SLC60A1: variants seen among roughly 807,000 people sequenced by gnomAD.
The protein encoded by SLC60A1 is major facilitator superfamily domain containing 4.
chr1:205,573,043 G>A, the SLC60A1 span, among the ~76,000 whole-genome samples: 1 of 152,126 alleles, frequency 6.6e-6, no homozygotes, highest in Non-Finnish European at 1.5e-5. Flanking sequence ...TGGGACGCTC[G>A]CTTGAGCCCA....
the SLC60A1 span, among the ~76,000 whole-genome samples, chr1:205,578,443 C>T: frequency 2.0e-5 from 3 of 152,220 alleles, no homozygotes; most frequent in Admixed American, 6.5e-5. Flanking sequence ...TCCCCCTCTC[C>T]TCCCCCATGA....
the SLC60A1 span, among the ~76,000 whole-genome samples, chr1:205,587,339 C>T: frequency 6.6e-6 from 1 of 152,104 alleles, no homozygotes; most frequent in Middle Eastern, 3.2e-3. Context: ...GAATTTCTAG[C>T]AGAGAGCGGG....
the SLC60A1 span, chr1:205,599,204 A>G: frequency 1.9e-6 from 3 of 1,613,976 alleles, no homozygotes; most frequent in South Asian, 2.2e-5. Flanking sequence ...TTTACCTTCT[A>G]TATCTTGCTC....
At chr1:205,569,250 C>G in the SLC60A1 span, 1 of 1,570,896 alleles carries the variant, frequency 6.4e-7, no homozygotes, top group Non-Finnish European at 8.6e-7. Context: ...CTTCTCGCAG[C>G]AGCTCTGCCT....
chr1:205,600,534 T>TG, the SLC60A1 span: 1 of 1,499,130 alleles, frequency 6.7e-7, no homozygotes, highest in Non-Finnish European at 9.3e-7. Flanking sequence ...TTCAGAAAGC[T>TG]GGGTGGTGGT....
chr1:205,602,454 T>A, the SLC60A1 span: 2 of 152,588 alleles, frequency 1.3e-5, no homozygotes, highest in Non-Finnish European at 2.9e-5. Context: ...CTACCCTACC[T>A]CAAAGGAATT....
At chr1:205,579,100 T>C in the SLC60A1 span, among the ~76,000 whole-genome samples, 1 of 152,206 alleles carries the variant, frequency 6.6e-6, no homozygotes, top group Non-Finnish European at 1.5e-5. Flanking sequence ...TCAGTGTGTA[T>C]GGCCACAGCC....
the SLC60A1 span, among the ~76,000 whole-genome samples, chr1:205,571,643 T>C: frequency 6.6e-6 from 1 of 151,964 alleles, no homozygotes; most frequent in Non-Finnish European, 1.5e-5. Flanking sequence ...TGGCCTTGAG[T>C]GTAGGCGACA....
At chr1:205,573,568 C>A in the SLC60A1 span, among the ~76,000 whole-genome samples, 1 of 85,056 alleles carries the variant, frequency 1.2e-5, no homozygotes, top group Non-Finnish European at 2.8e-5. Context: ...GATCACATAT[C>A]ATTTAATTTA....
the SLC60A1 span, among the ~76,000 whole-genome samples, chr1:205,590,133 T>A: frequency 6.6e-6 from 1 of 152,124 alleles, no homozygotes; most frequent in South Asian, 2.1e-4. Flanking sequence ...CAGCTTTAGG[T>A]GCAAGTCCGG....
the SLC60A1 span, among the ~76,000 whole-genome samples, chr1:205,594,672 T>C: frequency 6.6e-6 from 1 of 151,848 alleles, no homozygotes; most frequent in Non-Finnish European, 1.5e-5. Context: ...AAAGTGATAT[T>C]GATTGATTCT....
the SLC60A1 span, among the ~76,000 whole-genome samples, chr1:205,573,731 CT>C: frequency 6.6e-6 from 1 of 152,006 alleles, no homozygotes; most frequent in Non-Finnish European, 1.5e-5. Context: ...TAGTCTTGTT[CT>C]TTTGCCCAAG....
the SLC60A1 span, chr1:205,584,172 C>A: frequency 6.5e-7 from 1 of 1,541,456 alleles, no homozygotes; most frequent in East Asian, 2.3e-5. Flanking sequence ...GTTGAGGCTT[C>A]CTTGGTAACC....
chr1:205,601,526 T>C, the SLC60A1 span: 1 of 152,164 alleles, frequency 6.6e-6, no homozygotes, highest in Admixed American at 6.5e-5. Context: ...ATATAAAAGG[T>C]ATAGAAACAG....
the SLC60A1 span, chr1:205,584,241 G>C: frequency 2.6e-5 from 25 of 945,998 alleles, no homozygotes; most frequent in Non-Finnish European, 3.4e-5. Context: ...TTTTTTTTGA[G>C]ACAGAGTTTC....
the SLC60A1 span, among the ~76,000 whole-genome samples, chr1:205,575,159 A>G: frequency 6.6e-6 from 1 of 152,136 alleles, no homozygotes; most frequent in African/African-American, 2.4e-5. Flanking sequence ...CCAGGTCCCC[A>G]AACCATCTCC....
At chr1:205,586,013 C>A in the SLC60A1 span, 38 of 1,564,340 alleles carry the variant, frequency 2.4e-5, no homozygotes, top group Middle Eastern at 7.0e-4. Context: ...GTGTGCTCAA[C>A]AGCGCCCGGT....
chr1:205,583,811 T>A, the SLC60A1 span: 170 of 1,115,178 alleles, frequency 1.5e-4, no homozygotes, highest in Middle Eastern at 1.3e-3. Flanking sequence ...CTTCTTAGGT[T>A]GGGATGGCTC....
chr1:205,592,284 A>AAAGGT, the SLC60A1 span: 6 of 1,612,786 alleles, frequency 3.7e-6, no homozygotes, highest in Non-Finnish European at 5.1e-6. Context: ...GCTGCAGTAC[A>AAAGGT]AAGGTGAGGG....
Sources: gnomAD v4.1 joint callset for allele counts (sites outside exome capture counted in the v4.1 genomes callset) on GRCh38, gnomAD v4.1.1 for gene constraint, MANE v1.5 for transcripts, NCBI Gene and HGNC (gene_info 2026-07-23, HGNC 2026-07-21) for gene names.